Variants in CSGALNACT1 observed in about 807,000 individuals in gnomAD.
The protein encoded by CSGALNACT1 is beta4GalNAcT-1.
A neutral mutation model predicts 51.0 loss-of-function variants in CSGALNACT1; 52 were observed. That is an observed-to-expected ratio of 1.02 (90% confidence interval 0.82 to 1.29). CSGALNACT1 has a LOEUF of 1.29. Ranked by LOEUF, CSGALNACT1 falls within the 50% of genes most tolerant of loss-of-function variation. The pLI, the probability that CSGALNACT1 is intolerant of heterozygous loss-of-function variation, is 0.00. For synonymous variants in CSGALNACT1, 341 were observed against 254.4 expected, an observed-to-expected ratio of 1.34 and a Z score of -3.24; for missense variants, 935 against 679.2, an observed-to-expected ratio of 1.38 and a Z score of -4.19.
chr8:19,542,339 A>G (rs1452836385), intron 3 of CSGALNACT1, among the ~76,000 whole-genome samples: 2 of 152,172 alleles, frequency 1.3e-5, no homozygotes, highest in African/African-American at 2.4e-5. Context: ...GTGTCACTTA[A>G]GCCATAATAA....
intron 3 of CSGALNACT1, among the ~76,000 whole-genome samples, chr8:19,577,705 A>G (rs1436394961): frequency 6.6e-6 from 1 of 152,100 alleles, no homozygotes. Context: ...TGGGTTTAAA[A>G]TAACAAGGCA....
intron 1 of CSGALNACT1, among the ~76,000 whole-genome samples, chr8:19,637,195 C>G (rs1288971170): frequency 6.6e-6 from 1 of 152,080 alleles, no homozygotes; most frequent in Non-Finnish European, 1.5e-5. Flanking sequence ...GATAGAGACT[C>G]CATCTCAAAA....
intron 3 of CSGALNACT1, among the ~76,000 whole-genome samples, chr8:19,528,263 G>A (rs925217312): frequency 6.6e-6 from 1 of 151,268 alleles, no homozygotes. Flanking sequence ...ACTCGTTCAG[G>A]ACTGAGAAAG....
intron 5 of CSGALNACT1, among the ~76,000 whole-genome samples, chr8:19,445,698 C>G (rs1376312881): frequency 6.6e-6 from 1 of 152,208 alleles, no homozygotes; most frequent in Admixed American, 6.5e-5. Flanking sequence ...TGTAATATAA[C>G]TAACAAGTAC....
chr8:19,712,756 T>C (rs2062585278), intron 1 of CSGALNACT1, among the ~76,000 whole-genome samples: 1 of 152,142 alleles, frequency 6.6e-6, no homozygotes, highest in Non-Finnish European at 1.5e-5. Flanking sequence ...ACCTGTTACC[T>C]TGCTAAAGAC....
chr8:19,408,296 T>C (rs1030640787), intron 9 of CSGALNACT1, among the ~76,000 whole-genome samples: 2 of 151,664 alleles, frequency 1.3e-5, no homozygotes, highest in Non-Finnish European at 2.9e-5. Flanking sequence ...CAGCCCTGAG[T>C]CTATGACATC....
chr8:19,641,504 G>A (rs2154177114), intron 1 of CSGALNACT1, among the ~76,000 whole-genome samples: 1 of 151,966 alleles, frequency 6.6e-6, no homozygotes, highest in South Asian at 2.1e-4. Flanking sequence ...CTACTGCATG[G>A]GAAACTCCAT....
upstream of CSGALNACT1, among the ~76,000 whole-genome samples, chr8:19,686,840 G>A (rs2061006209): frequency 6.6e-6 from 1 of 152,200 alleles, no homozygotes; most frequent in African/African-American, 2.4e-5. Flanking sequence ...TGACGTCACA[G>A]AGTCATCATG....
At chr8:19,538,055 T>C (rs1022066140) in intron 3 of CSGALNACT1, among the ~76,000 whole-genome samples, 3 of 152,146 alleles carry the variant, frequency 2.0e-5, no homozygotes, top group Admixed American at 6.5e-5. Flanking sequence ...CAGTGGCTCA[T>C]ACCTCTAATC....
intron 1 of CSGALNACT1, among the ~76,000 whole-genome samples, chr8:19,612,569 C>G (rs189507246): frequency 6.6e-6 from 1 of 152,122 alleles, no homozygotes; most frequent in East Asian, 1.9e-4. Flanking sequence ...CTGCTAGGCA[C>G]TCTAACCATC....
intron 1 of CSGALNACT1, among the ~76,000 whole-genome samples, chr8:19,740,521 G>A (rs1352861232): frequency 6.6e-6 from 1 of 152,202 alleles, no homozygotes; most frequent in Non-Finnish European, 1.5e-5. Flanking sequence ...AGAGTGAGGA[G>A]GATTTTCAAG....
At chr8:19,731,825 T>C (rs1024897304) in intron 1 of CSGALNACT1, among the ~76,000 whole-genome samples, 1 of 152,226 alleles carries the variant, frequency 6.6e-6, no homozygotes, top group South Asian at 2.1e-4. Flanking sequence ...TCCTCTATAA[T>C]TGTATATTGA....
chr8:19,526,205 G>A (rs1268750258), intron 3 of CSGALNACT1, among the ~76,000 whole-genome samples: 3 of 152,208 alleles, frequency 2.0e-5, no homozygotes, highest in African/African-American at 2.4e-5. Context: ...TTGGGAGGCA[G>A]GAGCCCTGGT....
chr8:19,458,332 C>G lies in CSGALNACT1; in HGVS notation c.851+94G>C. The G allele has an allele frequency of 2.9e-6, 3 of 1,050,930 alleles. No homozygotes were observed. The South Asian group carries it at 3.8e-5, about 13-fold the overall frequency. 65.1% of individuals were successfully genotyped at this position (1,050,930 alleles called of 1,614,324 possible). ...TGAATAAGAGAAAGGAGGCTTTGTACTCGGCAGGGGAAATGAAGGAGATGA... is the reference window on the plus strand; with the variant it reads ...TGAATAAGAGAAAGGAGGCTTTGTAGTCGGCAGGGGAAATGAAGGAGATGA... On this transcript the variant is annotated intron_variant, in intron 5 of 9. Transcript: ENST00000454498.
At chr8:19,459,308 G>A (rs532549336) in intron 4 of CSGALNACT1, among the ~76,000 whole-genome samples, 21 of 150,394 alleles carry the variant, frequency 1.4e-4, no homozygotes, top group Admixed American at 7.3e-4. Flanking sequence ...GCTTGAACTC[G>A]GGAGGCAGAG....
In CSGALNACT1 at chr8:19,614,450, A is replaced by G. The variant is rs74580014; in HGVS notation, c.-543-12585T>C. Among the ~76,000 whole-genome samples the G allele has an allele frequency of 1.9e-3, 294 of 152,244 alleles. 1 individual carries two copies. Among genetic ancestry groups the G allele is most frequent in the Middle Eastern group, 6.8e-3 (2 of 294 alleles). On this transcript the variant is annotated intron_variant, in intron 1 of 9. Coordinates refer to the CSGALNACT1 transcript ENST00000332246. ...TCTTTTTGGTGGGTTGGGGATGTTC[A>G]GTTTTCTAGTTTTCCTGTTTACTGA...
chr8:19,437,375 C>A (rs546414534), intron 6 of CSGALNACT1, among the ~76,000 whole-genome samples: 1 of 152,290 alleles, frequency 6.6e-6, no homozygotes, highest in East Asian at 1.9e-4. Flanking sequence ...TTAGAAGCAA[C>A]AGCCCATCTG....
At chr8:19,410,498 A>T (rs911976578) in intron 8 of CSGALNACT1, among the ~76,000 whole-genome samples, 2 of 152,216 alleles carry the variant, frequency 1.3e-5, no homozygotes, top group African/African-American at 4.8e-5. Context: ...AAGTGCCAGT[A>T]TCCAATCTTC....
At chr8:19,723,099 T>C (rs1256297622) in intron 1 of CSGALNACT1, among the ~76,000 whole-genome samples, 2 of 152,356 alleles carry the variant, frequency 1.3e-5, no homozygotes, top group Middle Eastern at 3.4e-3. Flanking sequence ...TAATTTATTT[T>C]CTCAGATTAC....
Sources: gnomAD v4.1 joint callset for allele counts (sites outside exome capture counted in the v4.1 genomes callset) on GRCh38, gnomAD v4.1.1 for gene constraint, MANE v1.5 for transcripts, NCBI Gene and HGNC (gene_info 2026-07-23, HGNC 2026-07-21) for gene names.